The following NEGR1 variants were observed in gnomAD, a reference collection of about 807,000 sequenced individuals.
NEGR1 encodes the protein neuronal growth regulator 1.
A neutral mutation model predicts 40.9 loss-of-function variants in NEGR1; 10 were observed. The observed-to-expected ratio is 0.24, with a 90% CI of 0.15 to 0.42. NEGR1 has a LOEUF of 0.42. Ranked by LOEUF, NEGR1 falls within the 10% of genes least tolerant of loss-of-function variation. The pLI is 1.00. For synonymous variants in NEGR1, 185 were observed against 166.8 expected, an observed-to-expected ratio of 1.11 and a Z score of -0.84; for missense variants, 352 against 438.9, an observed-to-expected ratio of 0.80 and a Z score of 1.77.
At chr1:71,886,533 G>A (rs995925601) in intron 2 of NEGR1, among the ~76,000 whole-genome samples, 1 of 151,496 alleles carries the variant, frequency 6.6e-6, no homozygotes, top group Non-Finnish European at 1.5e-5. Flanking sequence ...TTAGACTTTA[G>A]TTTTTAATAT....
chr1:71,905,780 A>G (rs924958861), intron 2 of NEGR1, among the ~76,000 whole-genome samples: 1 of 151,982 alleles, frequency 6.6e-6, no homozygotes, highest in Non-Finnish European at 1.5e-5. Flanking sequence ...GAGGTTTAAC[A>G]CATTATTCCT....
chr1:71,560,460 T>TATATA (rs1198448626), intron 6 of NEGR1, among the ~76,000 whole-genome samples: 7 of 143,218 alleles, frequency 4.9e-5, no homozygotes, highest in South Asian at 4.4e-4. Context: ...TATATATATA[T>TATATA]TTCCAATTAA....
intron 6 of NEGR1, among the ~76,000 whole-genome samples, chr1:71,487,278 T>G (rs1024411368): frequency 6.6e-6 from 1 of 151,532 alleles, no homozygotes; most frequent in Non-Finnish European, 1.5e-5. Context: ...AAGATGCACC[T>G]TTTTCTCCAA....
chr1:72,248,902 T>C (rs1273406835), intron 1 of NEGR1, among the ~76,000 whole-genome samples: 2 of 152,214 alleles, frequency 1.3e-5, no homozygotes, highest in East Asian at 3.9e-4. Context: ...TACAAGAGTT[T>C]AAATGCATTA....
chr1:71,453,376 G>A (rs754915443), intron 6 of NEGR1, among the ~76,000 whole-genome samples: 16 of 152,048 alleles, frequency 1.1e-4, no homozygotes, highest in Non-Finnish European at 2.1e-4. Context: ...TGCAATATTA[G>A]GTAAGCTTTG....
At chr1:72,263,707 G>T (rs1219468064) in intron 1 of NEGR1, among the ~76,000 whole-genome samples, 1 of 151,386 alleles carries the variant, frequency 6.6e-6, no homozygotes, top group African/African-American at 2.4e-5. Flanking sequence ...TAACTTTCTT[G>T]AATTACTGCT....
intron 1 of NEGR1, among the ~76,000 whole-genome samples, chr1:72,045,758 G>T (rs1222032809): frequency 6.6e-6 from 1 of 151,534 alleles, no homozygotes; most frequent in Admixed American, 6.6e-5. Context: ...TTCTTTATTG[G>T]TAACAATATA....
intron 1 of NEGR1, among the ~76,000 whole-genome samples, chr1:71,996,235 C>A (rs1479268099): frequency 6.6e-6 from 1 of 152,038 alleles, no homozygotes; most frequent in African/African-American, 2.4e-5. Flanking sequence ...ATAAAACATA[C>A]TTTCTATCTC....
chr1:71,481,022 A>C (rs1412530304), intron 6 of NEGR1, among the ~76,000 whole-genome samples: 1 of 151,934 alleles, frequency 6.6e-6, no homozygotes, highest in Non-Finnish European at 1.5e-5. Context: ...GCTAATGCTT[A>C]TTAAAAGATA....
At chr1:71,798,281 T>G (rs1159757411) in intron 2 of NEGR1, 2 of 151,234 alleles carry the variant, frequency 1.3e-5, no homozygotes, top group African/African-American at 2.4e-5. Flanking sequence ...CTGAAAAAAA[T>G]ACAGAAAAAG....
At position 72,216,403 on chromosome 1, in the gene NEGR1, A is replaced by ATATG. The variant is rs1557582825; in HGVS notation, c.176+65915_176+65916insCATA. Reference sequence around the variant, plus strand: ...TATATACATATATATATATATATACATATATATATATATGTATATCTATAT... The same window carrying ATATG: ...TATATACATATATATATATATATACATATGTATATATATATATGTATATCTATAT... On this transcript the variant is annotated intron_variant, in intron 1 of 6. Transcript: ENST00000357731. 6.0e-3 allele frequency among the ~76,000 whole-genome samples: 724 copies of ATATG among 121,382 alleles called. 7 individuals carry two copies. The highest frequency in any genetic ancestry group is 0.03 in the African/African-American group (697 of 23,110). The allele number at this position is 121,382 out of a possible 152,430, so 79.6% of individuals were successfully genotyped here. A position where few individuals can be genotyped will look rare whatever the true frequency, so the allele number is the denominator to read the frequency against.
At chr1:72,190,568 C>T (rs916879744) in intron 1 of NEGR1, among the ~76,000 whole-genome samples, 1 of 151,604 alleles carries the variant, frequency 6.6e-6, no homozygotes, top group African/African-American at 2.4e-5. Context: ...GATAATCACA[C>T]AATTTTACTT....
At chr1:71,808,069 T>C (rs1275954560) in intron 2 of NEGR1, among the ~76,000 whole-genome samples, 1 of 152,164 alleles carries the variant, frequency 6.6e-6, no homozygotes, top group Non-Finnish European at 1.5e-5. Flanking sequence ...AAAGTTATTG[T>C]TCCATAATGT....
At chr1:72,154,713 T>C (rs1347539906) in intron 1 of NEGR1, among the ~76,000 whole-genome samples, 7 of 152,186 alleles carry the variant, frequency 4.6e-5, no homozygotes, top group Admixed American at 2.6e-4. Context: ...AGATCGTACA[T>C]ACCTTTAGGT....
At chr1:72,257,802 C>A (rs1239576029) in intron 1 of NEGR1, among the ~76,000 whole-genome samples, 1 of 152,058 alleles carries the variant, frequency 6.6e-6, no homozygotes, top group Non-Finnish European at 1.5e-5. Flanking sequence ...GAATCAAACC[C>A]TGTGAAGATC....
chr1:71,824,872 G>T (rs900981325), intron 2 of NEGR1, among the ~76,000 whole-genome samples: 2 of 151,914 alleles, frequency 1.3e-5, no homozygotes, highest in Non-Finnish European at 2.9e-5. Context: ...TCCAATACCT[G>T]AATAATCAAC....
rs566959737 is a variant in NEGR1 at position 71,407,369 on chromosome 1, T to C, written c.*77A>G. The C allele has an allele frequency of 5.9e-5, 84 of 1,431,720 alleles. 1 individual carries two copies. In the South Asian group the frequency reaches 1.0e-3, roughly 18 times the overall value. 88.7% of individuals were successfully genotyped at this position (1,431,720 alleles called of 1,614,324 possible). A position where few individuals can be genotyped will look rare whatever the true frequency, so the allele number is the denominator to read the frequency against. On this transcript the variant is annotated 3_prime_UTR_variant, in exon 7 of 7. Transcript: ENST00000357731. ...TGCTGATTATATCCCACGCTGCTTT[T>C]AACAAACTGTACCAGATTGGATCCA...
chr1:72,182,171 C>A (rs1165327239), intron 1 of NEGR1, among the ~76,000 whole-genome samples: 1 of 152,114 alleles, frequency 6.6e-6, no homozygotes, highest in Non-Finnish European at 1.5e-5. Context: ...CTGTTGTATA[C>A]CTTAAATATA....
intron 1 of NEGR1, among the ~76,000 whole-genome samples, chr1:71,998,985 A>G (rs1293883712): frequency 6.6e-6 from 1 of 151,928 alleles, no homozygotes; most frequent in Non-Finnish European, 1.5e-5. Flanking sequence ...GTCATCTGGC[A>G]CATATTAAAC....
Sources: gnomAD v4.1 joint callset for allele counts (sites outside exome capture counted in the v4.1 genomes callset) on GRCh38, gnomAD v4.1.1 for gene constraint, MANE v1.5 for transcripts, NCBI Gene and HGNC (gene_info 2026-07-23, HGNC 2026-07-21) for gene names.